Variants in GRK3 observed in about 807,000 individuals in gnomAD.
GRK3 encodes adrenergic, beta, receptor kinase 2.
In GRK3, 54 loss-of-function variants were observed where a neutral mutation model predicts 95.7. The ratio of observed to expected loss-of-function variants is 0.56; its 90% confidence interval spans 0.45 to 0.71. The LOEUF (loss-of-function observed/expected upper bound fraction) is 0.71, where lower values mean the gene tolerates loss of function less well. Among genes scored for constraint, GRK3 ranks in the 30% least tolerant of loss-of-function variants. The pLI, the probability that GRK3 is intolerant of heterozygous loss-of-function variation, is 0.00. For missense variants in GRK3, 649 were observed against 851.2 expected (o/e 0.76, Z 2.96); for synonymous variants, 281 against 290.8 (o/e 0.97, Z 0.34).
Position 25,689,076 on chromosome 22 carries a change from A to AT in GRK3, c.958-1098dup, listed in dbSNP as rs113928579. On this transcript the variant is annotated intron_variant, in intron 11 of 20. Transcript: ENST00000324198. ...TAAAAATTGTATTTTATTTCCAAGAATTTTTTTTTTTTTTTACAAAATACT... is the reference window on the plus strand; with the variant it reads ...TAAAAATTGTATTTTATTTCCAAGAATTTTTTTTTTTTTTTTACAAAATACT... Among the ~76,000 whole-genome samples, 960 of 143,498 alleles carry AT rather than the reference A, an allele frequency of 6.7e-3. 5 individuals are homozygous for AT. Among genetic ancestry groups the AT allele is most frequent in the African/African-American group, 0.019 (765 of 39,540 alleles). The allele number at this position is 143,498 out of a possible 152,430, so 94.1% of individuals were successfully genotyped here.
At position 25,643,513 on chromosome 22, in the gene GRK3, C is replaced by T. The variant is rs1294979453; in HGVS notation, c.191-1079C>T. ...CAGTCCCACCTGGGGAATTCTGGTCCACTTCATCTCTACATGGTAGACTTT... is the reference window on the plus strand; with the variant it reads ...CAGTCCCACCTGGGGAATTCTGGTCTACTTCATCTCTACATGGTAGACTTT... On this transcript the variant is annotated intron_variant, in intron 2 of 20. Transcript: ENST00000324198. Among the ~76,000 whole-genome samples, 3 of 152,224 alleles carry T rather than the reference C, an allele frequency of 2.0e-5. No homozygotes were observed. The South Asian group carries it at 6.2e-4, about 32-fold the overall frequency.
At chr22:25,686,450 A>G (rs959397331) in intron 10 of GRK3, among the ~76,000 whole-genome samples, 1 of 152,096 alleles carries the variant, frequency 6.6e-6, no homozygotes, top group African/African-American at 2.4e-5. Flanking sequence ...GCATAGTGGT[A>G]GGGGAGCTTT....
At chr22:25,637,810 C>T (rs1490458265) in intron 2 of GRK3, among the ~76,000 whole-genome samples, 1 of 152,180 alleles carries the variant, frequency 6.6e-6, no homozygotes, top group Non-Finnish European at 1.5e-5. Context: ...ACGGGCAAGT[C>T]CAAATCTGCA....
intron 1 of GRK3, among the ~76,000 whole-genome samples, chr22:25,567,895 G>GAA (rs1425025870): frequency 6.6e-6 from 1 of 152,244 alleles, no homozygotes; most frequent in Non-Finnish European, 1.5e-5. Context: ...GAGAGTCTCA[G>GAA]AAAATGGAAC....
chr22:25,578,816 G>A (rs1412036420), intron 1 of GRK3, among the ~76,000 whole-genome samples: 1 of 152,120 alleles, frequency 6.6e-6, no homozygotes, highest in Non-Finnish European at 1.5e-5. Context: ...AGCCCAGGGA[G>A]GCCCATTTCA....
chr22:25,721,560 T>A (rs567927047), intron 20 of GRK3, among the ~76,000 whole-genome samples, 163 bp downstream of exon 20: 5 of 152,312 alleles, frequency 3.3e-5, no homozygotes, highest in East Asian at 3.9e-4. Context: ...CGTGATTTTT[T>A]AAAAAGGCAA....
At chr22:25,694,052 A>G (rs2085187124) in intron 12 of GRK3, among the ~76,000 whole-genome samples, 1 of 152,108 alleles carries the variant, frequency 6.6e-6, no homozygotes, top group Non-Finnish European at 1.5e-5. Flanking sequence ...TGGCCTCCCA[A>G]ACTGCTGGGA....
At chr22:25,622,090 A>G (rs944346875) in intron 2 of GRK3, among the ~76,000 whole-genome samples, 3 of 152,202 alleles carry the variant, frequency 2.0e-5, no homozygotes, top group African/African-American at 7.2e-5. Context: ...GATCCCCAGC[A>G]GAAGAGAATG....
At chr22:25,621,498 G>A (rs925839355) in intron 2 of GRK3, among the ~76,000 whole-genome samples, 1 of 151,730 alleles carries the variant, frequency 6.6e-6, no homozygotes, top group African/African-American at 2.4e-5. Flanking sequence ...TAGGCAAAAA[G>A]CTTAAAAACA....
At chr22:25,698,661 T>G (rs1392147548) in intron 13 of GRK3, among the ~76,000 whole-genome samples, 1 of 152,080 alleles carries the variant, frequency 6.6e-6, no homozygotes, top group African/African-American at 2.4e-5. Context: ...AGTTTGACCT[T>G]TATCCTCCAG....
chr22:25,567,392 C>G (rs1931528093), intron 1 of GRK3, among the ~76,000 whole-genome samples: 1 of 152,154 alleles, frequency 6.6e-6, no homozygotes, highest in Non-Finnish European at 1.5e-5. Flanking sequence ...GGTATAACAT[C>G]TTGCAAAATT....
intron 1 of GRK3, among the ~76,000 whole-genome samples, chr22:25,583,560 C>T (rs1008079333): frequency 3.3e-5 from 5 of 152,040 alleles, no homozygotes; most frequent in Admixed American, 1.3e-4. Flanking sequence ...TGTGTCCTCT[C>T]CTGTCACCCC....
intron 1 of GRK3, among the ~76,000 whole-genome samples, chr22:25,593,135 TG>T (rs1174948680): frequency 7.3e-6 from 1 of 137,394 alleles, no homozygotes; most frequent in African/African-American, 3.6e-5. Flanking sequence ...TGAGTGCATG[TG>T]GTTTTTTTTT....
At chr22:25,688,254 A>C (rs982349694) in intron 11 of GRK3, among the ~76,000 whole-genome samples, 2 of 151,864 alleles carry the variant, frequency 1.3e-5, no homozygotes, top group Non-Finnish European at 2.9e-5. Flanking sequence ...AAAAAAAAAA[A>C]AAGCAGTTTA....
rs1006143719 is a variant in GRK3 at position 25,642,416 on chromosome 22, G to C, written c.191-2176G>C. Reference sequence around the variant, plus strand: ...CCATTGCACTCCAGCCTGGGCGACAGAGCAAGACTCCATCTCAAAAATAAA... The same window carrying C: ...CCATTGCACTCCAGCCTGGGCGACACAGCAAGACTCCATCTCAAAAATAAA... On this transcript the variant is annotated intron_variant, in intron 2 of 20. Transcript: ENST00000324198. Among the ~76,000 whole-genome samples the C allele has an allele frequency of 2.6e-4, 40 of 152,156 alleles. 1 individual carries two copies. The highest frequency in any genetic ancestry group is 2.6e-3 in the Admixed American group (40 of 15,276).
intron 2 of GRK3, among the ~76,000 whole-genome samples, chr22:25,634,409 C>T (rs1197498496): frequency 6.6e-6 from 1 of 152,062 alleles, no homozygotes; most frequent in Non-Finnish European, 1.5e-5. Context: ...AGGGAATTTC[C>T]AATTATATGG....
At chr22:25,618,841 A>T (rs1350614309) in intron 2 of GRK3, among the ~76,000 whole-genome samples, 4 of 151,920 alleles carry the variant, frequency 2.6e-5, no homozygotes, top group African/African-American at 4.8e-5. Context: ...AGTTCAGTGC[A>T]GTTGACCACT....
chr22:25,700,509 G>A (rs866697763), intron 13 of GRK3, among the ~76,000 whole-genome samples: 19 of 152,304 alleles, frequency 1.2e-4, no homozygotes, highest in Middle Eastern at 3.4e-3. Flanking sequence ...AGGGGAAAAA[G>A]GAAAGTTTAT....
intron 9 of GRK3, among the ~76,000 whole-genome samples, chr22:25,684,900 A>C (rs3730111): frequency 0.079 from 11,962 of 152,224 alleles, 511 homozygotes; most frequent in Middle Eastern, 0.16. Flanking sequence ...TTGTATATTA[A>C]AAAATAGCAA....
Sources: allele counts gnomAD v4.1 joint callset (sites outside exome capture counted in the v4.1 genomes callset), GRCh38; gene constraint gnomAD v4.1.1; transcripts MANE v1.5; gene names NCBI Gene and HGNC (gene_info 2026-07-23, HGNC 2026-07-21).